Variants in ZNF385D observed in about 807,000 individuals in gnomAD.
The protein encoded by ZNF385D is zinc finger protein 385D.
ZNF385D carries 15 observed loss-of-function variants against 35.8 expected under a neutral mutation model. The ratio of observed to expected loss-of-function variants is 0.42; its 90% confidence interval spans 0.28 to 0.64. The LOEUF is 0.64. ZNF385D is among the 30% of genes least tolerant of loss of function. The pLI is 0.23. For synonymous variants in ZNF385D, 212 were observed against 186.8 expected (o/e 1.13, Z -1.10); for missense variants, 474 against 494.6 (o/e 0.96, Z 0.39).
intron 2 of ZNF385D, among the ~76,000 whole-genome samples, chr3:21,582,391 T>G (rs1174929102): frequency 6.6e-6 from 1 of 152,230 alleles, no homozygotes; most frequent in African/African-American, 2.4e-5. Context: ...ACAGTTGACT[T>G]GCTTTTAATA....
intron 2 of ZNF385D, among the ~76,000 whole-genome samples, chr3:22,287,393 T>C (rs1343122627): frequency 6.6e-6 from 1 of 151,992 alleles, no homozygotes; most frequent in Non-Finnish European, 1.5e-5. Flanking sequence ...AAGGATTTAC[T>C]AATGTCATTT....
At chr3:22,194,137 T>G (rs895318439) in intron 2 of ZNF385D, among the ~76,000 whole-genome samples, 5 of 151,486 alleles carry the variant, frequency 3.3e-5, no homozygotes, top group African/African-American at 1.2e-4. Context: ...TTTTTAAGAG[T>G]TTTATAATCT....
intron 3 of ZNF385D, among the ~76,000 whole-genome samples, chr3:21,804,274 TTTG>T (rs992643776): frequency 5.0e-4 from 76 of 152,322 alleles, no homozygotes; most frequent in African/African-American, 1.8e-3. Context: ...CTTTATAAAT[TTTG>T]TTTTCTTATA....
chr3:21,469,031 A>T (rs1346883344), intron 4 of ZNF385D, among the ~76,000 whole-genome samples: 1 of 152,152 alleles, frequency 6.6e-6, no homozygotes, highest in East Asian at 1.9e-4. Flanking sequence ...CTGTGTGGGG[A>T]TGGATTGACT....
intron 4 of ZNF385D, among the ~76,000 whole-genome samples, chr3:21,498,368 A>G (rs1031101749): frequency 6.6e-6 from 1 of 152,288 alleles, no homozygotes; most frequent in African/African-American, 2.4e-5. Context: ...AATTTGACAA[A>G]TGGGACCTAA....
At chr3:22,336,858 A>G (rs1695179324) in intron 2 of ZNF385D, among the ~76,000 whole-genome samples, 1 of 143,160 alleles carries the variant, frequency 7.0e-6, no homozygotes, top group South Asian at 2.4e-4. Flanking sequence ...CATTACAGAC[A>G]TAATGGTAAT....
At chr3:22,298,003 A>T (rs1702684537) in intron 2 of ZNF385D, among the ~76,000 whole-genome samples, 1 of 152,048 alleles carries the variant, frequency 6.6e-6, no homozygotes, top group African/African-American at 2.4e-5. Flanking sequence ...GACTCATGAA[A>T]CTGATCAATT....
At chr3:22,050,078 T>C (rs962506213) in intron 3 of ZNF385D, among the ~76,000 whole-genome samples, 2 of 152,080 alleles carry the variant, frequency 1.3e-5, no homozygotes, top group African/African-American at 4.8e-5. Flanking sequence ...AGTTAAAATG[T>C]TTTGGGGCTG....
intron 3 of ZNF385D, among the ~76,000 whole-genome samples, chr3:21,811,688 C>G (rs777401437): frequency 1.2e-4 from 18 of 152,116 alleles, no homozygotes; most frequent in South Asian, 8.3e-4. Context: ...ACTATAAAAT[C>G]ATTATCAAAT....
intron 3 of ZNF385D, among the ~76,000 whole-genome samples, chr3:21,783,925 T>C (rs1026531020): frequency 3.3e-5 from 5 of 152,122 alleles, no homozygotes; most frequent in Non-Finnish European, 7.4e-5. Flanking sequence ...AGACTAAAAA[T>C]ACAGTATGTA....
intron 2 of ZNF385D, among the ~76,000 whole-genome samples, chr3:22,302,751 A>G (rs1164355825): frequency 6.6e-6 from 1 of 152,080 alleles, no homozygotes; most frequent in Non-Finnish European, 1.5e-5. Context: ...ATTTTCTAAT[A>G]TTGTTCCAAT....
chr3:21,424,960 CTA>C (rs1289059092), intron 6 of ZNF385D, among the ~76,000 whole-genome samples: 4 of 152,142 alleles, frequency 2.6e-5, no homozygotes, highest in African/African-American at 9.7e-5. Context: ...CTTTGGAAGA[CTA>C]TTCATAGTAA....
intron 3 of ZNF385D, among the ~76,000 whole-genome samples, chr3:21,758,919 T>C (rs189025318): frequency 7.0e-4 from 90 of 127,964 alleles, no homozygotes; most frequent in African/African-American, 2.6e-3. Flanking sequence ...CCAGACCACC[T>C]AGTATGGTGC....
chr3:21,732,027 GGGGTTTTTTTTTT>G (rs1459189906), intron 1 of ZNF385D, among the ~76,000 whole-genome samples: 4,639 of 64,142 alleles, frequency 0.072, 1,307 homozygotes, highest in Middle Eastern at 0.17. Context: ...TTCTTTTTTC[GGGGTTTTTTTTTT>G]TTTTTTTTTT....
intron 2 of ZNF385D, among the ~76,000 whole-genome samples, chr3:22,275,013 A>C (rs1251595605): frequency 1.3e-5 from 2 of 152,018 alleles, no homozygotes; most frequent in Non-Finnish European, 2.9e-5. Flanking sequence ...GAATAAGACA[A>C]ACCCTGTGGA....
At chr3:21,869,539 C>T (rs1575809240) in intron 3 of ZNF385D, among the ~76,000 whole-genome samples, 1 of 152,040 alleles carries the variant, frequency 6.6e-6, no homozygotes, top group Non-Finnish European at 1.5e-5. Flanking sequence ...CTAAGTTGAA[C>T]AGGCACCATT....
At position 22,000,408 on chromosome 3, in the gene ZNF385D, A is replaced by G. The variant is rs536533076; in HGVS notation, c.325+168409T>C. 7.9e-5 allele frequency among the ~76,000 whole-genome samples: 12 copies of G among 152,332 alleles called. No individual in the cohort carries two copies. The South Asian group carries it at 2.3e-3, about 29-fold the overall frequency. On this transcript the variant is annotated intron_variant, in intron 3 of 5. Coordinates refer to the ZNF385D transcript ENST00000494108. Reference sequence around the variant, plus strand: ...CCTACCAGTGCCATGACAGTTTACAAATGCCATGGCAATGTCAGGAAGTTA... The same window carrying G: ...CCTACCAGTGCCATGACAGTTTACAGATGCCATGGCAATGTCAGGAAGTTA...
chr3:21,808,024 G>C (rs75374723), intron 3 of ZNF385D, among the ~76,000 whole-genome samples: 11,582 of 152,170 alleles, frequency 0.076, 609 homozygotes, highest in South Asian at 0.11. Context: ...AAATAGAATT[G>C]CTAAGTAGTA....
At chr3:22,216,950 A>G (rs577994322) in intron 2 of ZNF385D, among the ~76,000 whole-genome samples, 2 of 152,294 alleles carry the variant, frequency 1.3e-5, no homozygotes, top group East Asian at 3.9e-4. Context: ...TGGAGAGAGA[A>G]GTGCCTGCCA....
Sources: allele counts gnomAD v4.1 joint callset (sites outside exome capture counted in the v4.1 genomes callset), GRCh38; gene constraint gnomAD v4.1.1; transcripts MANE v1.5; gene names NCBI Gene and HGNC (gene_info 2026-07-23, HGNC 2026-07-21).